TANGO2: variants seen among roughly 807,000 people sequenced by gnomAD.
The protein encoded by TANGO2 is transport and golgi organization 2 homolog.
Under a neutral mutation model 39.1 loss-of-function variants are expected in TANGO2, and 26 were observed. That is an observed-to-expected ratio of 0.67 (90% CI 0.49 to 0.92). The LOEUF is 0.92. Ranked by LOEUF, TANGO2 falls within the 40% of genes least tolerant of loss-of-function variation. TANGO2 has a pLI of 0.00. For missense variants in TANGO2, 326 were observed against 360.1 expected (o/e 0.91, Z 0.77); for synonymous variants, 131 against 144.5 (o/e 0.91, Z 0.67).
chr22:20,051,048 A>C (rs1381249632), intron 3 of TANGO2, among the ~76,000 whole-genome samples: 1 of 150,642 alleles, frequency 6.6e-6, no homozygotes, highest in Non-Finnish European at 1.5e-5. Flanking sequence ...TTTAATAGAA[A>C]TGGTGTTTCT....
intron 6 of TANGO2, chr22:20,056,772 A>G (rs1012923857): frequency 4.4e-6 from 2 of 456,188 alleles, no homozygotes; most frequent in African/African-American, 4.0e-5. Context: ...GGTGCACAAA[A>G]CTGTAGGGAC....
chr22:20,056,814 C>G (rs770072204), intron 6 of TANGO2: 1 of 456,712 alleles, frequency 2.2e-6, no homozygotes, highest in Non-Finnish European at 4.4e-6. Context: ...TGCTGGCTCA[C>G]TCACTCCCAC....
intron 3 of TANGO2, among the ~76,000 whole-genome samples, chr22:20,047,113 G>A (rs531805871): frequency 1.3e-5 from 2 of 152,082 alleles, no homozygotes; most frequent in Non-Finnish European, 2.9e-5. Context: ...AACTAATAGA[G>A]CTAGAACTCA....
chr22:20,063,404 C>T lies in TANGO2; in HGVS notation c.672C>T (p.Tyr224=), dbSNP rs1038522242. Residue 224 remains tyrosine (Y), a synonymous_variant, in exon 8 of 9, where the codon TAC becomes TAT. Transcript: ENST00000327374. ...GEYVQPMLSK[Y]AAVCVRCPGY... is the part of the protein sequence containing the mutation. ...ACGTGCAGCCCATGCTGAGCAAGTA[C>T]GCGGCTGTGTGCGTGCGCTGCCCTG... The T allele has an allele frequency of 1.4e-5, 23 of 1,613,344 alleles. No homozygotes were observed. Among genetic ancestry groups the T allele is most frequent in the African/African-American group, 5.3e-5 (4 of 74,928 alleles).
At chr22:20,056,094 A>C in intron 6 of TANGO2, 81 bp downstream of exon 6, 1 of 1,126,630 alleles carries the variant, frequency 8.9e-7, no homozygotes, top group Non-Finnish European at 1.4e-6. Flanking sequence ...GAGACCAGGC[A>C]CTTGTCATAT....
intron 6 of TANGO2, chr22:20,056,414 C>G (rs1164208852): frequency 2.1e-6 from 1 of 472,106 alleles, no homozygotes; most frequent in Non-Finnish European, 4.2e-6. Flanking sequence ...ACACACCCCA[C>G]TCAAGCCCCA....
At chr22:20,038,278 C>A (rs955863665) in intron 2 of TANGO2, among the ~76,000 whole-genome samples, 11 of 152,148 alleles carry the variant, frequency 7.2e-5, no homozygotes, top group Admixed American at 5.2e-4. Context: ...TCCAATGCTG[C>A]GAGACAATAG....
In TANGO2 at chr22:20,033,159, GAA is replaced by G. The variant is rs761385932; in HGVS notation, c.-39-3599_-39-3598del. 1.9e-5 allele frequency: 10 copies of G among 514,140 alleles called. No homozygotes were observed. The Admixed American group carries it at 2.1e-4, about 11-fold the overall frequency. The allele number at this position is 514,140 out of a possible 1,614,324, so 31.8% of individuals were successfully genotyped here. ...CGAGCAGGGGGCGAGGGATTGGAGA[GAA>G]AGGCAGTTCCTGATGGTCCCCTCCC... On this transcript the variant is annotated intron_variant, in intron 1 of 8. Transcript: ENST00000327374.
At chr22:20,056,554 C>T (rs1440472349) in intron 6 of TANGO2, 2 of 456,808 alleles carry the variant, frequency 4.4e-6, no homozygotes, top group Non-Finnish European at 8.8e-6. Context: ...GCACCACTGC[C>T]CAGGCTGTGC....
intron 3 of TANGO2, among the ~76,000 whole-genome samples, chr22:20,048,797 C>T (rs2045750548): frequency 2.6e-5 from 4 of 152,138 alleles, no homozygotes; most frequent in Admixed American, 2.6e-4. Flanking sequence ...CAAGCATGCA[C>T]CACCATGCCC....
rs542127140 is a variant in TANGO2, at chr22:20,061,355, C to T, written c.452-175C>T. 1.3e-3 allele frequency: 856 copies of T among 668,668 alleles called. 6 individuals are homozygous for T. In the East Asian group the frequency reaches 0.016, roughly 12 times the overall value. 41.4% of individuals were successfully genotyped at this position (668,668 alleles called of 1,614,324 possible). A position where few individuals can be genotyped will look rare whatever the true frequency, so the allele number is the denominator to read the frequency against. ...GCTGAGTTCTCCTCTCCTTGCCATG[C>T]CATCAGGTCAGGAATGAGCATGGGG... On this transcript the variant is annotated intron_variant, in intron 6 of 8. Coordinates refer to ENST00000327374, the MANE Select transcript of TANGO2 (RefSeq NM_152906.7).
intron 1 of TANGO2, among the ~76,000 whole-genome samples, chr22:20,023,877 G>T (rs1156906682): frequency 6.9e-6 from 1 of 145,828 alleles, no homozygotes; most frequent in African/African-American, 2.5e-5. Flanking sequence ...AAAAGAAAAT[G>T]TGTCATAATA....
At position 20,050,357 on chromosome 22, in the gene TANGO2, GGTTTTT is replaced by G. The variant is rs1397201126; in HGVS notation, c.146-2107_146-2102del. On this transcript the variant is annotated intron_variant, in intron 3 of 8. Transcript: ENST00000327374. ...ATTTTTCATTAAATATTTTCCTGGT[GGTTTTT>G]TTTTTTTTTTTTTTTTTTGAGACGG... 8.3e-3 allele frequency among the ~76,000 whole-genome samples: 572 copies of G among 69,198 alleles called. 8 individuals are homozygous for G. Among genetic ancestry groups the G allele is most frequent in the African/African-American group, 0.03 (553 of 18,636 alleles). 45.4% of individuals were successfully genotyped at this position (69,198 alleles called of 152,430 possible).
At chr22:20,062,639 C>T (rs951076619) in intron 7 of TANGO2, among the ~76,000 whole-genome samples, 17 of 152,242 alleles carry the variant, frequency 1.1e-4, no homozygotes, top group Admixed American at 6.5e-5. Context: ...CCTGGCTGCC[C>T]TCACTGATGG....
chr22:20,018,353 C>G (rs1601729899), upstream of TANGO2, among the ~76,000 whole-genome samples: 1 of 152,238 alleles, frequency 6.6e-6, no homozygotes, highest in East Asian at 1.9e-4. Context: ...TGTGGAGCAG[C>G]ACCATGGTGA....
At chr22:20,043,226 C>G (rs409519) in intron 2 of TANGO2, 129 bp from the exon 3 acceptor site, 1 of 676,392 alleles carries the variant, frequency 1.5e-6, no homozygotes, top group Non-Finnish European at 2.6e-6. Flanking sequence ...TGCAGCAGGA[C>G]TGCCGGCTTC....
intron 1 of TANGO2, among the ~76,000 whole-genome samples, chr22:20,032,859 A>C (rs1685222504): frequency 1.3e-5 from 2 of 152,240 alleles, no homozygotes; most frequent in South Asian, 4.1e-4. Flanking sequence ...CCCTGCGCCC[A>C]GATCAAGATA....
At position 20,036,022 on chromosome 22, in the gene TANGO2, A is replaced by C. The variant is rs117814986; in HGVS notation, c.-39-738A>C. 6.9e-3 allele frequency among the ~76,000 whole-genome samples: 1,056 copies of C among 152,276 alleles called. 4 individuals are homozygous for C. The highest frequency in any genetic ancestry group is 0.011 in the Non-Finnish European group (748 of 68,028). Reference sequence around the variant, plus strand: ...GAAGTTCAGTCTAAGCTGAAAGTTTACTAGCCTGCAAAATAGCTCATTTTG... The same window carrying C: ...GAAGTTCAGTCTAAGCTGAAAGTTTCCTAGCCTGCAAAATAGCTCATTTTG... On this transcript the variant is annotated intron_variant, in intron 1 of 8. Transcript: ENST00000327374.
At chr22:20,059,138 G>T (rs1193839175) in intron 6 of TANGO2, among the ~76,000 whole-genome samples, 3 of 152,154 alleles carry the variant, frequency 2.0e-5, no homozygotes, top group Non-Finnish European at 1.5e-5. Context: ...AGTTAGGAGG[G>T]TCTGATAACG....
Sources: gnomAD v4.1 joint callset for allele counts (sites outside exome capture counted in the v4.1 genomes callset) on GRCh38, gnomAD v4.1.1 for gene constraint, MANE v1.5 for transcripts, NCBI Gene and HGNC (gene_info 2026-07-23, HGNC 2026-07-21) for gene names.